CORIN: variants seen among roughly 807,000 people sequenced by gnomAD.
CORIN encodes the protein corin, serine peptidase.
In CORIN, 117 loss-of-function variants were observed where a neutral mutation model predicts 125.3. The ratio of observed to expected loss-of-function variants is 0.93; its 90% CI spans 0.80 to 1.09. CORIN has a LOEUF of 1.09. CORIN is among the 50% of genes least tolerant of loss of function. The pLI is 0.00. For missense variants in CORIN, 1,253 were observed against 1,306.7 expected, an observed-to-expected ratio of 0.96 and a Z score of 0.63; for synonymous variants, 450 against 466.4, an observed-to-expected ratio of 0.96 and a Z score of 0.45.
chr4:47,745,829 A>G (rs2109839734), intron 4 of CORIN, among the ~76,000 whole-genome samples: 1 of 152,366 alleles, frequency 6.6e-6, no homozygotes, highest in Admixed American at 6.5e-5. Context: ...TAGGGCAGAG[A>G]TCTTTGTACA....
chr4:47,769,923 T>G (rs182222925), intron 3 of CORIN, among the ~76,000 whole-genome samples: 1 of 152,002 alleles, frequency 6.6e-6, no homozygotes, highest in Non-Finnish European at 1.5e-5. Flanking sequence ...GAAGAATACA[T>G]AGGGGGAAAG....
intron 19 of CORIN, among the ~76,000 whole-genome samples, chr4:47,612,595 G>T (rs1381710323): frequency 6.6e-6 from 1 of 152,182 alleles, no homozygotes; most frequent in East Asian, 1.9e-4. Flanking sequence ...AGAGAAATCA[G>T]TGACTCAGAG....
chr4:47,601,197 C>T (rs1458511639), intron 20 of CORIN, among the ~76,000 whole-genome samples: 1 of 152,174 alleles, frequency 6.6e-6, no homozygotes, highest in African/African-American at 2.4e-5. Context: ...TAGTGGGTCT[C>T]ATTGCCTTTA....
intron 1 of CORIN, among the ~76,000 whole-genome samples, chr4:47,836,725 G>T (rs181195384): frequency 6.6e-6 from 1 of 152,174 alleles, no homozygotes; most frequent in South Asian, 2.1e-4. Context: ...CCCAGGGCTC[G>T]GTCCCAGGAA....
At chr4:47,823,085 T>A (rs1215455769) in intron 1 of CORIN, among the ~76,000 whole-genome samples, 2 of 152,210 alleles carry the variant, frequency 1.3e-5, no homozygotes, top group Admixed American at 1.3e-4. Context: ...AGTGCTGGGA[T>A]TACAGGCGTG....
rs1232946015 is a variant in CORIN at position 47,697,047 on chromosome 4, G to A, written c.800-3964C>T. Among the ~76,000 whole-genome samples the A allele has an allele frequency of 3.3e-5, 5 of 152,292 alleles. No individual in the cohort carries two copies. In the East Asian group the frequency reaches 9.6e-4, roughly 29 times the overall value. ...AGCTCTGCACATCACATGGGCCCGT[G>A]CTGAGAGCCTGTCAGCGCTCCATTC... On this transcript the variant is annotated intron_variant, in intron 5 of 21. Coordinates refer to ENST00000273857, the MANE Select transcript of CORIN (RefSeq NM_006587.4).
intron 1 of CORIN, among the ~76,000 whole-genome samples, chr4:47,811,997 G>T (rs903155114): frequency 1.4e-4 from 22 of 152,080 alleles, no homozygotes; most frequent in African/African-American, 4.8e-4. Context: ...TTTTAAATTT[G>T]CATGTTTAAT....
At chr4:47,711,962 A>T (rs13129264) in intron 5 of CORIN, among the ~76,000 whole-genome samples, 23,156 of 152,250 alleles carry the variant, frequency 0.15, 2,459 homozygotes, top group African/African-American at 0.3. Flanking sequence ...CAACATTGCT[A>T]CTACGAGAAA....
At chr4:47,801,763 A>G (rs958846872) in intron 2 of CORIN, among the ~76,000 whole-genome samples, 5 of 152,218 alleles carry the variant, frequency 3.3e-5, no homozygotes, top group African/African-American at 1.2e-4. Flanking sequence ...AGTTCCAGCG[A>G]GCCTCACCAC....
At chr4:47,827,800 C>T (rs1732808118) in intron 1 of CORIN, among the ~76,000 whole-genome samples, 1 of 152,130 alleles carries the variant, frequency 6.6e-6, no homozygotes, top group African/African-American at 2.4e-5. Flanking sequence ...TTCCTCAGCA[C>T]CCAGAGGCAC....
intron 16 of CORIN, among the ~76,000 whole-genome samples, chr4:47,632,771 A>AGATAGATGATAGATAGAGATC (rs1722885073): frequency 7.2e-6 from 1 of 138,952 alleles, no homozygotes. Flanking sequence ...AGATAGAGAT[A>AGATAGATGATAGATAGAGATC]GATAGTTAGA....
At chr4:47,625,015 AG>A (rs1167558606) in intron 17 of CORIN, among the ~76,000 whole-genome samples, 1 of 152,098 alleles carries the variant, frequency 6.6e-6, no homozygotes, top group African/African-American at 2.4e-5. Context: ...ATACAGGAAA[AG>A]CTCATTTGCT....
intron 3 of CORIN, among the ~76,000 whole-genome samples, chr4:47,779,374 G>C (rs886640151): frequency 3.3e-5 from 5 of 151,326 alleles, no homozygotes; most frequent in African/African-American, 1.2e-4. Context: ...CTGATGAGTA[G>C]TAATCCAGGT....
rs1481917671 is a variant in CORIN, at chr4:47,615,920, C to T, written c.2540+7651G>A. 4.6e-5 allele frequency among the ~76,000 whole-genome samples: 7 copies of T among 152,104 alleles called. 1 individual carries two copies. The highest frequency in any genetic ancestry group is 3.8e-4 in the East Asian group (2 of 5,196). On this transcript the variant is annotated intron_variant, in intron 19 of 21. Coordinates refer to ENST00000273857, the MANE Select transcript of CORIN (RefSeq NM_006587.4). ...TCCACTTTTTTGGAAGAAGATTCTA[C>T]AGGATTTACTGATAAAGTAAATGTG...
chr4:47,748,766 T>C (rs1205991866), intron 4 of CORIN, among the ~76,000 whole-genome samples: 1 of 152,202 alleles, frequency 6.6e-6, no homozygotes, highest in Non-Finnish European at 1.5e-5. Flanking sequence ...CAAAGCAGGC[T>C]TATATGGTTA....
chr4:47,791,031 C>G (rs1345294767), intron 2 of CORIN, among the ~76,000 whole-genome samples: 1 of 152,068 alleles, frequency 6.6e-6, no homozygotes, highest in Non-Finnish European at 1.5e-5. Context: ...AATGCTCCCC[C>G]AGAGATGCCA....
At chr4:47,758,917 CCA>C (rs1729320215) in intron 4 of CORIN, among the ~76,000 whole-genome samples, 1 of 152,170 alleles carries the variant, frequency 6.6e-6, no homozygotes, top group African/African-American at 2.4e-5. Flanking sequence ...TGTAAATTAC[CCA>C]GTCTCATGCA....
intron 1 of CORIN, 127 bp downstream of exon 1, chr4:47,837,760 G>A (rs996604272): frequency 1.2e-6 from 1 of 866,162 alleles, no homozygotes; most frequent in African/African-American, 1.6e-5. Flanking sequence ...GAGCTCACCG[G>A]CGGCTGGGGA....
chr4:47,762,013 T>C (rs1430268031), intron 4 of CORIN, among the ~76,000 whole-genome samples: 1 of 152,030 alleles, frequency 6.6e-6, no homozygotes, highest in African/African-American at 2.4e-5. Context: ...TACACACATA[T>C]ATATACACAT....
Sources: gnomAD v4.1 joint callset for allele counts (sites outside exome capture counted in the v4.1 genomes callset) on GRCh38, gnomAD v4.1.1 for gene constraint, MANE v1.5 for transcripts, NCBI Gene and HGNC (gene_info 2026-07-23, HGNC 2026-07-21) for gene names.